Variants in CHLSN observed in about 807,000 individuals in gnomAD.
CHLSN encodes the protein protein cholesin.
the CHLSN span, among the ~76,000 whole-genome samples, chr7:1,133,408 A>AC: frequency 6.6e-6 from 1 of 151,618 alleles, no homozygotes; most frequent in East Asian, 1.9e-4. Context: ...AAAAAAAAAA[A>AC]AAAAACTATA....
the CHLSN span, chr7:1,010,042 C>G: frequency 2.5e-6 from 4 of 1,611,242 alleles, no homozygotes. Flanking sequence ...GCTGCCTCTC[C>G]TCTTTCTTCC....
chr7:1,132,291 T>C, the CHLSN span, among the ~76,000 whole-genome samples: 38 of 152,222 alleles, frequency 2.5e-4, no homozygotes, highest in Admixed American at 2.5e-3. Flanking sequence ...CTAATGCCTG[T>C]AATCCCAGCA....
the CHLSN span, chr7:1,022,830 C>T: frequency 6.4e-6 from 2 of 311,672 alleles, no homozygotes; most frequent in South Asian, 4.9e-5. Context: ...CATGTTGATA[C>T]CGAATAAAAC....
At chr7:1,123,832 C>T in the CHLSN span, among the ~76,000 whole-genome samples, 2 of 152,054 alleles carry the variant, frequency 1.3e-5, no homozygotes, top group African/African-American at 4.8e-5. This position sits in a 1 kb window ranked among gnomAD's most constrained non-coding sequence, Gnocchi z 4.4. Flanking sequence ...CCAGCTCCCT[C>T]GGAAGGAACG....
chr7:997,351 G>A, the CHLSN span: 114 of 389,850 alleles, frequency 2.9e-4, no homozygotes, highest in African/African-American at 2.1e-3. Flanking sequence ...CCAGGGGTCC[G>A]GGTGATTCCA....
the CHLSN span, among the ~76,000 whole-genome samples, chr7:1,032,192 G>C: frequency 6.6e-6 from 1 of 152,174 alleles, no homozygotes; most frequent in Non-Finnish European, 1.5e-5. Flanking sequence ...AACTGCTCCC[G>C]GCCCACGGGG....
the CHLSN span, among the ~76,000 whole-genome samples, chr7:1,099,324 C>T: frequency 1.3e-5 from 2 of 152,268 alleles, no homozygotes; most frequent in African/African-American, 2.4e-5. Flanking sequence ...AGGCCACCAT[C>T]GGACAGTGCT....
chr7:1,057,985 T>G, the CHLSN span: 1 of 770,722 alleles, frequency 1.3e-6, no homozygotes, highest in Non-Finnish European at 2.4e-6. Flanking sequence ...GGCGCGCTGC[T>G]GACCAGCTTC....
chr7:1,054,473 G>A, the CHLSN span, among the ~76,000 whole-genome samples: 2 of 152,250 alleles, frequency 1.3e-5, no homozygotes, highest in African/African-American at 4.8e-5. Context: ...TGGGGTGACA[G>A]CACGCACTCG....
the CHLSN span, among the ~76,000 whole-genome samples, chr7:1,030,132 C>G: frequency 6.6e-6 from 1 of 152,192 alleles, no homozygotes; most frequent in African/African-American, 2.4e-5. Context: ...CAGTGTGTCC[C>G]CAGCATGAAT....
chr7:1,064,424 C>G, the CHLSN span, among the ~76,000 whole-genome samples: 45 of 152,182 alleles, frequency 3.0e-4, no homozygotes, highest in African/African-American at 1.1e-3. Flanking sequence ...CTGCCCCCAG[C>G]AGGAGACATG....
chr7:1,135,048 G>A, the CHLSN span, among the ~76,000 whole-genome samples: 64 of 152,212 alleles, frequency 4.2e-4, no homozygotes, highest in African/African-American at 1.4e-3. Flanking sequence ...ACCTAACAGC[G>A]TTGGACTGTT....
chr7:1,112,557 G>A, the CHLSN span, among the ~76,000 whole-genome samples: 2 of 152,178 alleles, frequency 1.3e-5, no homozygotes, highest in African/African-American at 4.8e-5. Flanking sequence ...AAAGTCCCAC[G>A]GAACCTGGCA....
chr7:988,282 G>A, the CHLSN span: 44 of 1,588,592 alleles, frequency 2.8e-5, no homozygotes, highest in Admixed American at 3.4e-5. Context: ...CACAGGGCAC[G>A]CCCGTGATTC....
chr7:1,119,050 C>G, the CHLSN span, among the ~76,000 whole-genome samples: 5 of 150,422 alleles, frequency 3.3e-5, no homozygotes, highest in African/African-American at 1.2e-4. Context: ...GTCTAGAGAT[C>G]GAGACCATCC....
chr7:1,073,494 T>C, the CHLSN span, among the ~76,000 whole-genome samples: 2 of 152,146 alleles, frequency 1.3e-5, no homozygotes, highest in African/African-American at 4.8e-5. Context: ...CTCAACATCG[T>C]AGAGCTTTCT....
the CHLSN span, chr7:997,876 G>A: frequency 5.6e-6 from 8 of 1,417,812 alleles, no homozygotes; most frequent in Admixed American, 2.1e-5. Flanking sequence ...GAGACAAGAC[G>A]CTGCAGCCAA....
the CHLSN span, among the ~76,000 whole-genome samples, chr7:1,020,964 GCCTCCAGGCTGGGGACCTTCAGGCAGGTA>G: frequency 0.045 from 6,800 of 151,974 alleles, 512 homozygotes; most frequent in African/African-American, 0.15. Context: ...TCCCAGCAGG[GCCTCCAGGCTGGGGACCTTCAGGCAGGTA>G]CCTCCAGGCT....
At chr7:1,039,435 C>T in the CHLSN span, among the ~76,000 whole-genome samples, 2 of 67,978 alleles carry the variant, frequency 2.9e-5, no homozygotes, top group Admixed American at 1.3e-4. Context: ...TCAGCCCCCC[C>T]GCCCGGCCAG....
Sources: allele counts gnomAD v4.1 joint callset (sites outside exome capture counted in the v4.1 genomes callset), GRCh38; gene constraint gnomAD v4.1.1; non-coding constraint Gnocchi (gnomAD v3.1); transcripts MANE v1.5; gene names NCBI Gene and HGNC (gene_info 2026-07-23, HGNC 2026-07-21).